The following EEFSEC variants were observed in gnomAD, a reference collection of about 807,000 sequenced individuals.
EEFSEC encodes the protein eukaryotic elongation factor, selenocysteine-tRNA specific.
EEFSEC carries 43 observed loss-of-function variants against 42.1 expected under a neutral mutation model. The ratio of observed to expected loss-of-function variants is 1.02; its 90% CI spans 0.80 to 1.32. The LOEUF is 1.32. EEFSEC is among the 40% of genes most tolerant of loss of function. EEFSEC has a pLI of 0.00. For missense variants in EEFSEC, 745 were observed against 803.6 expected, an observed-to-expected ratio of 0.93 and a Z score of 0.88; for synonymous variants, 354 against 339.1, an observed-to-expected ratio of 1.04 and a Z score of -0.48.
At chr3:128,403,598 C>T (rs1398589960) in intron 6 of EEFSEC, among the ~76,000 whole-genome samples, 2 of 152,216 alleles carry the variant, frequency 1.3e-5, no homozygotes, top group Non-Finnish European at 2.9e-5. Context: ...ACACAGGGCA[C>T]CGTGTGGACA....
intron 1 of EEFSEC, among the ~76,000 whole-genome samples, chr3:128,189,031 C>T (rs1280130061): frequency 6.6e-6 from 1 of 152,108 alleles, no homozygotes; most frequent in African/African-American, 2.4e-5. Flanking sequence ...AGTACCTTTA[C>T]ATGGGGGGGG....
intron 1 of EEFSEC, among the ~76,000 whole-genome samples, chr3:128,156,773 A>G (rs1242091211): frequency 6.6e-6 from 1 of 152,154 alleles, no homozygotes; most frequent in Admixed American, 6.5e-5. Context: ...TGACTGTTCT[A>G]CCTACTGGCT....
chr3:128,241,201 C>CT (rs373420882), intron 1 of EEFSEC, among the ~76,000 whole-genome samples: 20,700 of 80,604 alleles, frequency 0.26, 4,317 homozygotes, highest in East Asian at 0.5. Flanking sequence ...CTCTCTCTCT[C>CT]TTTTTTTTTT....
chr3:128,226,998 C>T (rs1209126139), intron 1 of EEFSEC, among the ~76,000 whole-genome samples: 2 of 152,198 alleles, frequency 1.3e-5, no homozygotes, highest in African/African-American at 4.8e-5. Context: ...AGGGGGCCCC[C>T]CTGCCCCGGC....
intron 6 of EEFSEC, among the ~76,000 whole-genome samples, chr3:128,405,153 A>C (rs2068094636): frequency 6.6e-6 from 1 of 151,692 alleles, no homozygotes; most frequent in Admixed American, 6.6e-5. Flanking sequence ...AGTAGCTGGG[A>C]CTATAGGTGC....
intron 1 of EEFSEC, among the ~76,000 whole-genome samples, chr3:128,236,683 C>T (rs2066014447): frequency 6.6e-6 from 1 of 152,160 alleles, no homozygotes; most frequent in Non-Finnish European, 1.5e-5. Flanking sequence ...CTTCCTCTTC[C>T]TCAAACGCAT....
At chr3:128,337,640 C>T (rs1167002180) in intron 4 of EEFSEC, among the ~76,000 whole-genome samples, 1 of 152,170 alleles carries the variant, frequency 6.6e-6, no homozygotes, top group East Asian at 1.9e-4. Context: ...AGCGGCTGGG[C>T]GTTTATCTGG....
Position 128,153,605 on chromosome 3 carries a change from C to T in EEFSEC, c.98C>T (p.Thr33Ile). 1.9e-6 allele frequency: 3 copies of T among 1,594,012 alleles called. No individual in the cohort carries two copies. Among genetic ancestry groups the T allele is most frequent in the Non-Finnish European group, 1.7e-6 (2 of 1,176,134 alleles). ...LARALSTTAS[T>I]AAFDKQPQSR... Reference sequence around the variant, plus strand: ...CGGGCGCTAAGCACCACAGCCTCCACCGCCGCCTTTGACAAGCAGCCGCAG... The same window carrying T: ...CGGGCGCTAAGCACCACAGCCTCCATCGCCGCCTTTGACAAGCAGCCGCAG... The change falls in exon 1 of 7, where the codon ACC becomes ATC. Residue 33 changes from threonine (T) to isoleucine (I), a missense_variant. Coordinates refer to ENST00000254730, the MANE Select transcript of EEFSEC (RefSeq NM_021937.5).
intron 2 of EEFSEC, among the ~76,000 whole-genome samples, chr3:128,260,086 T>C (rs1008629228): frequency 6.6e-6 from 1 of 152,200 alleles, no homozygotes; most frequent in East Asian, 1.9e-4. Flanking sequence ...CCCTTCATTT[T>C]TGTAACATTT....
At chr3:128,332,506 C>T (rs1208261139) in intron 4 of EEFSEC, among the ~76,000 whole-genome samples, 1 of 152,210 alleles carries the variant, frequency 6.6e-6, no homozygotes, top group Admixed American at 6.5e-5. Flanking sequence ...GGCGGGAGTG[C>T]AATGGCGCAA....
chr3:128,391,151 T>G (rs574950242), intron 6 of EEFSEC, among the ~76,000 whole-genome samples: 2 of 152,364 alleles, frequency 1.3e-5, no homozygotes, highest in Admixed American at 6.5e-5. Context: ...ATAGAGTAGG[T>G]GCTCGCTAGC....
At chr3:128,381,835 A>G (rs58723009) in intron 6 of EEFSEC, among the ~76,000 whole-genome samples, 10,802 of 152,176 alleles carry the variant, frequency 0.071, 786 homozygotes, top group African/African-American at 0.19. Context: ...GGGTAGCAGG[A>G]AGGGCATTCT....
At chr3:128,413,770 T>TG in the EEFSEC span, among the ~76,000 whole-genome samples, 1 of 152,136 alleles carries the variant, frequency 6.6e-6, no homozygotes, top group African/African-American at 2.4e-5. Context: ...GGTCATTCCA[T>TG]AGACTCGGCC....
chr3:128,168,754 G>A (rs2065266062), intron 1 of EEFSEC, among the ~76,000 whole-genome samples: 1 of 152,222 alleles, frequency 6.6e-6, no homozygotes, highest in South Asian at 2.1e-4. Flanking sequence ...AGGCCCTCTG[G>A]TACCTCCCCA....
At chr3:128,375,758 C>T (rs1312312902) in intron 6 of EEFSEC, among the ~76,000 whole-genome samples, 1 of 152,188 alleles carries the variant, frequency 6.6e-6, no homozygotes, top group African/African-American at 2.4e-5. Flanking sequence ...TCCCAGGTGG[C>T]TCCACACTCA....
At chr3:128,318,181 T>G (rs996141735) in intron 4 of EEFSEC, among the ~76,000 whole-genome samples, 1 of 152,222 alleles carries the variant, frequency 6.6e-6, no homozygotes, top group Admixed American at 6.5e-5. Flanking sequence ...CCTCCCGTGA[T>G]GGACTGCTGT....
Position 128,222,031 on chromosome 3 carries a change from T to C in EEFSEC, c.317-24805T>C, listed in dbSNP as rs1199325304. On this transcript the variant is annotated intron_variant, in intron 1 of 6. Transcript: ENST00000254730. ...CTTCGTGTGTTTTTTCAAAGTTTTT[T>C]TTTTTTTTTTTTTTTTTTTTGAGAC... Among the ~76,000 whole-genome samples the C allele has an allele frequency of 6.3e-5, 9 of 142,150 alleles. 1 individual carries two copies. Among genetic ancestry groups the C allele is most frequent in the African/African-American group, 2.3e-4 (9 of 38,480 alleles). 93.3% of individuals were successfully genotyped at this position (142,150 alleles called of 152,430 possible). A position where few individuals can be genotyped will look rare whatever the true frequency, so the allele number is the denominator to read the frequency against.
At chr3:128,257,197 T>C (rs1285654700) in intron 2 of EEFSEC, among the ~76,000 whole-genome samples, 2 of 152,226 alleles carry the variant, frequency 1.3e-5, no homozygotes, top group African/African-American at 4.8e-5. Flanking sequence ...TTGCATATGA[T>C]TGTTTCTCTT....
chr3:128,329,778 T>C (rs1440467927), intron 4 of EEFSEC, among the ~76,000 whole-genome samples: 1 of 152,230 alleles, frequency 6.6e-6, no homozygotes, highest in African/African-American at 2.4e-5. Flanking sequence ...GCGGGAGCTG[T>C]GGGAGCCACA....
Sources: gnomAD v4.1 joint callset for allele counts (sites outside exome capture counted in the v4.1 genomes callset) on GRCh38, gnomAD v4.1.1 for gene constraint, MANE v1.5 for transcripts, NCBI Gene and HGNC (gene_info 2026-07-23, HGNC 2026-07-21) for gene names.